FGFRL1: variants seen among roughly 807,000 people sequenced by gnomAD.
The protein encoded by FGFRL1 is fibroblast growth factor receptor-like 1.
Under a neutral mutation model 36.8 loss-of-function variants are expected in FGFRL1, and 24 were observed. The ratio of observed to expected loss-of-function variants is 0.65; its 90% CI spans 0.47 to 0.92. FGFRL1 has a LOEUF of 0.92. Among genes scored for constraint, FGFRL1 ranks in the 40% least tolerant of loss-of-function variants. FGFRL1 has a pLI of 0.00. For synonymous variants in FGFRL1, 422 were observed against 344.1 expected (o/e 1.23, Z -2.50); for missense variants, 785 against 753.4 (o/e 1.04, Z -0.49).
chr4:1,014,141 G>A (rs1256537616), intron 2 of FGFRL1, among the ~76,000 whole-genome samples: 3 of 152,192 alleles, frequency 2.0e-5, no homozygotes, highest in Admixed American at 6.5e-5. Flanking sequence ...AGAGGGCTTG[G>A]GTTATTTTTG....
intron 6 of FGFRL1, 52 bp downstream of exon 6, chr4:1,024,716 CT>C: frequency 6.6e-7 from 1 of 1,520,434 alleles, no homozygotes; most frequent in Non-Finnish European, 8.8e-7. Context: ...GACCCGCCCC[CT>C]GGGCCCGGCG....
intron 1 of FGFRL1, 172 bp from the exon 2 acceptor site, chr4:1,012,298 G>A (rs1350306676): frequency 8.1e-6 from 5 of 620,770 alleles, no homozygotes; most frequent in African/African-American, 3.9e-5. Flanking sequence ...TAAACCCTTT[G>A]TCTGCCTTTG....
intron 2 of FGFRL1, among the ~76,000 whole-genome samples, chr4:1,014,887 G>A (rs538587760): frequency 1.4e-4 from 22 of 152,352 alleles, no homozygotes; most frequent in East Asian, 3.9e-4. Context: ...GGAGGGAGCC[G>A]TGAACAAAGT....
chr4:1,022,943 C>G (rs2052961781), intron 3 of FGFRL1, among the ~76,000 whole-genome samples: 1 of 152,160 alleles, frequency 6.6e-6, no homozygotes, highest in African/African-American at 2.4e-5. Flanking sequence ...GACCCGGCAC[C>G]CCGCCTGCTC....
intron 2 of FGFRL1, among the ~76,000 whole-genome samples, chr4:1,016,634 A>G (rs1198580129): frequency 1.3e-5 from 2 of 151,952 alleles, no homozygotes; most frequent in Non-Finnish European, 2.9e-5. Context: ...TGGGGTAGCC[A>G]CCTGTGCTGC....
chr4:1,015,398 G>T (rs935206148), intron 2 of FGFRL1, among the ~76,000 whole-genome samples: 7 of 152,156 alleles, frequency 4.6e-5, no homozygotes, highest in African/African-American at 1.7e-4. Flanking sequence ...AGGGTGCCTG[G>T]CTGCCCTCTG....
At chr4:1,014,044 G>A (rs1365844035) in intron 2 of FGFRL1, among the ~76,000 whole-genome samples, 1 of 152,216 alleles carries the variant, frequency 6.6e-6, no homozygotes, top group Non-Finnish European at 1.5e-5. Flanking sequence ...TTCCTAGCGT[G>A]GACTAGGGCG....
At chr4:1,021,817 G>A (rs563956948) in intron 2 of FGFRL1, among the ~76,000 whole-genome samples, 1 of 152,288 alleles carries the variant, frequency 6.6e-6, no homozygotes, top group East Asian at 1.9e-4. Context: ...GTGTACGGCT[G>A]CTTCCTGTAT....
At position 1,017,969 on chromosome 4, in the gene FGFRL1, G is replaced by A. The variant is rs142231423; in HGVS notation, c.80-4234G>A. 2.7e-3 allele frequency among the ~76,000 whole-genome samples: 407 copies of A among 152,326 alleles called. 2 individuals carry two copies. The highest frequency in any genetic ancestry group is 9.3e-3 in the African/African-American group (386 of 41,558). ...GGGACACCACGAGCACGGGAGAGGG[G>A]CTTGGGTGTGGGTTTGGACCACGTG... On this transcript the variant is annotated intron_variant, in intron 2 of 6. Transcript: ENST00000510644.
rs571869791 is a variant in FGFRL1 at position 1,021,661 on chromosome 4, T to G, written c.80-542T>G. On this transcript the variant is annotated intron_variant, in intron 2 of 6. Coordinates refer to ENST00000510644, the MANE Select transcript of FGFRL1 (RefSeq NM_001004356.3). ...TGCTTGTGGATAGCTGTGGGGTCGC[T>G]GGCCCATGCCCAGGCCCGGCTGGGC... 3.0e-4 allele frequency among the ~76,000 whole-genome samples: 45 copies of G among 152,210 alleles called. 1 individual carries two copies. The South Asian group carries it at 9.3e-3, about 32-fold the overall frequency.
chr4:1,022,319 G>A lies in FGFRL1; in HGVS notation c.196G>A (p.Asp66Asn), dbSNP rs887381161. The A allele has an allele frequency of 2.5e-6, 4 of 1,600,532 alleles. 1 individual carries two copies. The Middle Eastern group carries it at 5.0e-4, about 201-fold the overall frequency. The change falls in exon 3 of 7, where the codon GAT (aspartate) becomes AAT (asparagine). Residue 66 changes from aspartate to asparagine, a missense_variant. Coordinates refer to ENST00000510644, the MANE Select transcript of FGFRL1 (RefSeq NM_001004356.3). ...GCCGCCGCTGACCATGTGGACCAAG[G>A]ATGGCCGCACCATCCACAGCGGCTG... ...DPPPLTMWTK[D>N]GRTIHSGWSR... is the part of the protein sequence containing the mutation.
intron 2 of FGFRL1, among the ~76,000 whole-genome samples, chr4:1,018,119 G>A (rs1435446162): frequency 2.0e-5 from 3 of 152,170 alleles, no homozygotes; most frequent in Admixed American, 1.3e-4. Flanking sequence ...CTGTGAAGAC[G>A]GGGAAGGGCA....
In FGFRL1 at chr4:1,021,664, C is replaced by T. The variant is rs1026886211; in HGVS notation, c.80-539C>T. 2.6e-5 allele frequency among the ~76,000 whole-genome samples: 4 copies of T among 152,150 alleles called. No homozygotes were observed. In the South Asian group the frequency reaches 6.2e-4, roughly 24 times the overall value. On this transcript the variant is annotated intron_variant, in intron 2 of 6. Transcript: ENST00000510644. The stretch of plus-strand genomic sequence containing the variant: ...TTGTGGATAGCTGTGGGGTCGCTGG[C>T]CCATGCCCAGGCCCGGCTGGGCCCT...
upstream of FGFRL1, among the ~76,000 whole-genome samples, chr4:1,011,497 G>T (rs1488430472): frequency 4.1e-5 from 6 of 145,846 alleles, no homozygotes; most frequent in African/African-American, 7.4e-5. Context: ...GGGCGGGGGC[G>T]GTGTGCGCGC....
chr4:1,012,603 C>T (rs1366602605), intron 2 of FGFRL1, 39 bp downstream of exon 2: 5 of 967,458 alleles, frequency 5.2e-6, no homozygotes, highest in Non-Finnish European at 7.2e-6. Flanking sequence ...CTGGCCTCCG[C>T]CAGCGCCGCC....
Position 1,023,604 on chromosome 4 carries a change from T to C in FGFRL1, c.353-37T>C, listed in dbSNP as rs1716314968. ...TTGGGGGAGCTCCTCAGGGCCCCCC[T>C]CACCTGCCCTCCCTGTGCACCTCCG... On this transcript the variant is annotated intron_variant, in intron 3 of 6. Transcript: ENST00000510644. This position sits in a 1 kb window ranked among gnomAD's most constrained non-coding sequence, Gnocchi z 6.0. 6.4e-7 allele frequency: 1 copy of C among 1,556,032 alleles called. No individual in the cohort carries two copies. The highest frequency in any genetic ancestry group is 2.3e-5 in the East Asian group (1 of 42,694).
chr4:1,023,691 G>A lies in FGFRL1; in HGVS notation c.403G>A (p.Gly135Ser). 2 of 1,599,916 alleles carry A rather than the reference G, an allele frequency of 1.3e-6. No individual in the cohort carries two copies. Among genetic ancestry groups the A allele is most frequent in the Non-Finnish European group, 1.7e-6 (2 of 1,175,552 alleles). ...CCTGGGGCCCGACAGCTCCTCTGGG[G>A]GTCAAGAGGACCCCGCCAGCCAGCA... is the stretch of plus-strand genomic sequence containing the variant. The part of the protein sequence containing the change: ...ESLGPDSSSG[G>S]QEDPASQQWA... The change falls in exon 4 of 7, where the codon GGT becomes AGT. Residue 135 changes from glycine to serine, a missense_variant. Coordinates refer to ENST00000510644, the MANE Select transcript of FGFRL1 (RefSeq NM_001004356.3). The surrounding 1 kb of genome is among the most constrained non-coding windows in gnomAD (Gnocchi z 6.0).
chr4:1,012,844 A>G (rs1385015970), intron 2 of FGFRL1, among the ~76,000 whole-genome samples: 2 of 152,350 alleles, frequency 1.3e-5, no homozygotes, highest in East Asian at 3.9e-4. Flanking sequence ...CTGGTCTTGC[A>G]AACACTTTCA....
chr4:1,013,860 C>T (rs1165927267), intron 2 of FGFRL1, among the ~76,000 whole-genome samples: 2 of 152,292 alleles, frequency 1.3e-5, no homozygotes, highest in Non-Finnish European at 2.9e-5. Context: ...CGGCCACCCC[C>T]TTCGCCTTCG....
Sources: allele counts gnomAD v4.1 joint callset (sites outside exome capture counted in the v4.1 genomes callset), GRCh38; gene constraint gnomAD v4.1.1; non-coding constraint Gnocchi (gnomAD v3.1); transcripts MANE v1.5; gene names NCBI Gene and HGNC (gene_info 2026-07-23, HGNC 2026-07-21).